MEIG1: variants seen among roughly 807,000 people sequenced by gnomAD.
The protein encoded by MEIG1 is meiosis expressed gene 1 protein homolog.
Under a neutral mutation model 11.3 loss-of-function variants are expected in MEIG1, and 12 were observed. That is an observed-to-expected ratio of 1.07 (90% CI 0.68 to 1.73). MEIG1 has a LOEUF of 1.73. MEIG1 is among the 40% of genes most tolerant of loss of function. MEIG1 has a pLI of 0.00. For synonymous variants in MEIG1, 41 were observed against 33.2 expected, an observed-to-expected ratio of 1.24 and a Z score of -0.81; for missense variants, 119 against 104.9, an observed-to-expected ratio of 1.13 and a Z score of -0.59.
At chr10:14,957,184 C>G (rs139195233), upstream of MEIG1, among the ~76,000 whole-genome samples, 1 of 152,286 alleles carries the variant, frequency 6.6e-6, no homozygotes, top group African/African-American at 2.4e-5. Flanking sequence ...TTATTTCATC[C>G]TCACATCCTA....
intron 1 of MEIG1, among the ~76,000 whole-genome samples, chr10:14,961,977 T>G (rs1303597431): frequency 1.3e-5 from 2 of 151,842 alleles, no homozygotes; most frequent in Non-Finnish European, 1.5e-5. Flanking sequence ...CCAGCTAATT[T>G]TATTTTTTGT....
At chr10:14,984,715 C>A (rs1194053603) in intron 1 of MEIG1, among the ~76,000 whole-genome samples, 4 of 152,136 alleles carry the variant, frequency 2.6e-5, no homozygotes, top group South Asian at 2.1e-4. Context: ...TATTATCGTC[C>A]TATTCTAGGG....
intron 2 of MEIG1, among the ~76,000 whole-genome samples, chr10:14,972,075 C>T (rs551145891): frequency 2.0e-5 from 3 of 150,994 alleles, no homozygotes; most frequent in Non-Finnish European, 2.9e-5. Context: ...AGTGCAGTGG[C>T]GCCATCTAGA....
At chr10:14,976,469 T>C (rs912863526), downstream of MEIG1, among the ~76,000 whole-genome samples, 2 of 152,140 alleles carry the variant, frequency 1.3e-5, no homozygotes, top group Non-Finnish European at 2.9e-5. Context: ...TTCGCTTTGA[T>C]ATTATTCATA....
chr10:14,979,484 A>T (rs1843243169), intron 1 of MEIG1, among the ~76,000 whole-genome samples: 2 of 151,898 alleles, frequency 1.3e-5, no homozygotes, highest in Admixed American at 1.3e-4. Flanking sequence ...TTCTGATATT[A>T]TTCGTAATAT....
intron 1 of MEIG1, among the ~76,000 whole-genome samples, chr10:14,960,579 C>T (rs1262195129): frequency 1.3e-5 from 2 of 151,884 alleles, no homozygotes; most frequent in African/African-American, 2.4e-5. Context: ...CCACGATGCC[C>T]GGCTAATTTT....
intron 2 of MEIG1, among the ~76,000 whole-genome samples, chr10:14,968,140 G>A (rs186083455): frequency 6.7e-6 from 1 of 150,196 alleles, no homozygotes; most frequent in East Asian, 2.0e-4. Context: ...ATCACTATAA[G>A]CTCTTCTTTT....
At chr10:14,983,145 C>A (rs191666148) in intron 1 of MEIG1, among the ~76,000 whole-genome samples, 1 of 152,060 alleles carries the variant, frequency 6.6e-6, no homozygotes, top group African/African-American at 2.4e-5. Flanking sequence ...CGTTTAATAT[C>A]GCAGTAGCTG....
intron 1 of MEIG1, among the ~76,000 whole-genome samples, chr10:14,978,596 G>C (rs1843233963): frequency 1.3e-5 from 2 of 151,956 alleles, no homozygotes; most frequent in African/African-American, 4.8e-5. Flanking sequence ...ATCCTACGGG[G>C]ATGTTACTCA....
At chr10:14,976,430 A>C (rs1226418517), downstream of MEIG1, among the ~76,000 whole-genome samples, 2 of 151,892 alleles carry the variant, frequency 1.3e-5, no homozygotes, top group Non-Finnish European at 2.9e-5. Flanking sequence ...TCCTATGGGG[A>C]GGTTACTTTT....
intron 2 of MEIG1, chr10:14,987,090 G>A: frequency 6.0e-6 from 4 of 667,714 alleles, no homozygotes; most frequent in Non-Finnish European, 1.0e-5. Flanking sequence ...TCACAGTCAG[G>A]AGCATGCATT....
upstream of MEIG1, among the ~76,000 whole-genome samples, chr10:14,958,764 T>C (rs113194500): frequency 0.01 from 1,549 of 151,986 alleles, 18 homozygotes; most frequent in East Asian, 0.059. Context: ...GGCGTGGTGG[T>C]GGGTGCCTGT....
downstream of MEIG1, among the ~76,000 whole-genome samples, chr10:14,975,319 C>CT (rs1029252672): frequency 3.3e-5 from 5 of 152,088 alleles, no homozygotes; most frequent in Non-Finnish European, 4.4e-5. Flanking sequence ...GACGATATGA[C>CT]TCCCCAGACA....
chr10:14,974,902 T>C (rs977370971), downstream of MEIG1, among the ~76,000 whole-genome samples: 2 of 151,558 alleles, frequency 1.3e-5, no homozygotes, highest in African/African-American at 4.8e-5. Context: ...TTCATGTTAA[T>C]AATAAATGAG....
intron 1 of MEIG1, among the ~76,000 whole-genome samples, chr10:14,984,709 A>T (rs1165433590): frequency 6.6e-6 from 1 of 152,060 alleles, no homozygotes; most frequent in Non-Finnish European, 1.5e-5. Context: ...CTGTGATATT[A>T]TCGTCCTATT....
intron 1 of MEIG1, among the ~76,000 whole-genome samples, chr10:14,960,856 G>A (rs1020599606): frequency 2.0e-5 from 3 of 151,880 alleles, no homozygotes; most frequent in Non-Finnish European, 4.4e-5. Context: ...GGAAAACCTC[G>A]TCTCTACTAA....
intron 1 of MEIG1, among the ~76,000 whole-genome samples, chr10:14,982,865 C>T (rs1354254124): frequency 4.6e-5 from 7 of 151,836 alleles, no homozygotes; most frequent in African/African-American, 1.7e-4. Context: ...TTAATATTAA[C>T]GATTAATGAT....
intron 2 of MEIG1, among the ~76,000 whole-genome samples, chr10:14,968,747 C>G (rs1843116528): frequency 6.6e-6 from 1 of 151,824 alleles, no homozygotes; most frequent in African/African-American, 2.4e-5. Context: ...GGCTTTTAAA[C>G]AGAAAAAACA....
At chr10:14,964,096 CAAAAA>C (rs370368866) in intron 1 of MEIG1, among the ~76,000 whole-genome samples, 14 of 117,818 alleles carry the variant, frequency 1.2e-4, no homozygotes, top group Admixed American at 2.6e-4. Flanking sequence ...GACTCCGTCT[CAAAAA>C]AAAAAAAAAA....
Sources: allele counts gnomAD v4.1 joint callset (sites outside exome capture counted in the v4.1 genomes callset), GRCh38; gene constraint gnomAD v4.1.1; transcripts MANE v1.5; gene names NCBI Gene and HGNC (gene_info 2026-07-23, HGNC 2026-07-21).